Variants in TTC39C observed in about 807,000 individuals in gnomAD.
The protein encoded by TTC39C is tetratricopeptide repeat protein 39C.
Under a neutral mutation model 76.3 loss-of-function variants are expected in TTC39C, and 33 were observed. That is an observed-to-expected ratio of 0.43 (90% CI 0.33 to 0.58). The LOEUF (loss-of-function observed/expected upper bound fraction) is 0.58, where lower values mean the gene tolerates loss of function less well. Ranked by LOEUF, TTC39C falls within the 20% of genes least tolerant of loss-of-function variation. The probability of loss-of-function intolerance (pLI) is 0.04; values close to 1 mark genes in which losing one functional copy is unlikely to be tolerated. For synonymous variants in TTC39C, 254 were observed against 260.6 expected (o/e 0.97, Z 0.24); for missense variants, 595 against 701.4 (o/e 0.85, Z 1.71).
chr18:24,092,489 T>C (rs1426376986), intron 6 of TTC39C, among the ~76,000 whole-genome samples: 3 of 152,194 alleles, frequency 2.0e-5, no homozygotes, highest in Non-Finnish European at 4.4e-5. Flanking sequence ...CAGATGTCTA[T>C]CAACTGATGA....
intron 1 of TTC39C, among the ~76,000 whole-genome samples, chr18:24,027,884 G>A (rs1271711379): frequency 8.0e-3 from 2 of 250 alleles, no homozygotes; most frequent in Non-Finnish European, 0.059. Flanking sequence ...CCTATCCAAG[G>A]CTGCATGGGG....
chr18:24,120,891 T>C (rs2084959365), intron 8 of TTC39C: 1 of 152,266 alleles, frequency 6.6e-6, no homozygotes, highest in Non-Finnish European at 1.5e-5. Flanking sequence ...TCAGGCTGAA[T>C]AATATTCCAT....
intron 1 of TTC39C, among the ~76,000 whole-genome samples, chr18:24,044,055 TG>T (rs2083832479): frequency 5.7e-4 from 1 of 1,744 alleles, no homozygotes; most frequent in South Asian, 0.056. Context: ...TGTATGTTTG[TG>T]TGTGTGTGTG....
intron 1 of TTC39C, among the ~76,000 whole-genome samples, chr18:24,018,774 C>T (rs573946513): frequency 2.0e-5 from 3 of 152,102 alleles, no homozygotes; most frequent in East Asian, 3.9e-4. Flanking sequence ...GAGGAAACAG[C>T]GGAAAAACCC....
intron 7 of TTC39C, among the ~76,000 whole-genome samples, chr18:24,117,722 A>AG (rs2084913690): frequency 2.6e-5 from 4 of 152,024 alleles, no homozygotes; most frequent in Admixed American, 2.6e-4. Context: ...AAAAAAAAAA[A>AG]AAAAGAATGA....
chr18:24,106,721 T>G (rs2084748960), intron 6 of TTC39C, among the ~76,000 whole-genome samples: 3 of 152,220 alleles, frequency 2.0e-5, no homozygotes, highest in African/African-American at 7.2e-5. Flanking sequence ...AGACGGAGTC[T>G]GGCTCTGTCA....
intron 1 of TTC39C, among the ~76,000 whole-genome samples, chr18:24,037,760 G>A (rs1025675384): frequency 3.7e-4 from 56 of 152,220 alleles, no homozygotes; most frequent in Non-Finnish European, 4.4e-4. Flanking sequence ...ATGGAAGGTA[G>A]TAGTAAAGGG....
chr18:24,122,500 CAAAAAAAAAAAA>C (rs36002596), intron 8 of TTC39C, among the ~76,000 whole-genome samples: 4 of 51,052 alleles, frequency 7.8e-5, no homozygotes, highest in African/African-American at 4.0e-4. Flanking sequence ...GACTCCATCT[CAAAAAAAAAAAA>C]AAAAAAAAGA....
At chr18:24,093,199 G>A (rs937196162) in intron 6 of TTC39C, among the ~76,000 whole-genome samples, 1 of 152,106 alleles carries the variant, frequency 6.6e-6, no homozygotes, top group Non-Finnish European at 1.5e-5. Flanking sequence ...AAAAGTATTG[G>A]CCGGGTGCAG....
In TTC39C at chr18:24,048,309, A is replaced by G. The variant is rs1414266860; in HGVS notation, c.168-15831A>G. 3.9e-5 allele frequency among the ~76,000 whole-genome samples: 6 copies of G among 152,360 alleles called. No homozygotes were observed. In the East Asian group the frequency reaches 1.2e-3, roughly 29 times the overall value. On this transcript the variant is annotated intron_variant, in intron 1 of 13. Coordinates refer to ENST00000317571, the MANE Select transcript of TTC39C (RefSeq NM_001135993.2). ...TTTGCCATTTTGAAATACTTGATAA[A>G]CTATAGGACACTAATATATAATTGC...
In TTC39C at chr18:24,107,576, C is replaced by T. The variant is rs115240207; in HGVS notation, c.985-6978C>T. ...TATAAGGGGCTTCTCCCCTCCTTTG[C>T]TCTGCACTTCTCTTGCCTGCCACCG... On this transcript the variant is annotated intron_variant, in intron 6 of 13. Transcript: ENST00000317571. Among the ~76,000 whole-genome samples, 837 of 152,238 alleles carry T rather than the reference C, an allele frequency of 5.5e-3. 10 individuals carry two copies. The highest frequency in any genetic ancestry group is 0.018 in the African/African-American group (732 of 41,536).
At chr18:24,122,500 C>A (rs375389553) in intron 8 of TTC39C, among the ~76,000 whole-genome samples, 14 of 51,042 alleles carry the variant, frequency 2.7e-4, no homozygotes, top group South Asian at 1.4e-3. Flanking sequence ...GACTCCATCT[C>A]AAAAAAAAAA....
Position 24,001,225 on chromosome 18 carries a change from C to T in TTC39C, c.-17+8187C>T, listed in dbSNP as rs573512363. ...CTCTAGTCTACTTCTATCTGTGTTC[C>T]TGTTAGACTTAATATCTGGAAAAGC... On this transcript the variant is annotated intron_variant, in intron 1 of 13. Coordinates refer to the TTC39C transcript ENST00000304621. 7.9e-5 allele frequency among the ~76,000 whole-genome samples: 12 copies of T among 152,288 alleles called. No individual in the cohort carries two copies. The East Asian group carries it at 2.3e-3, about 29-fold the overall frequency.
chr18:24,073,541 T>A (rs2084266831), intron 4 of TTC39C, among the ~76,000 whole-genome samples: 1 of 152,136 alleles, frequency 6.6e-6, no homozygotes, highest in Non-Finnish European at 1.5e-5. Context: ...TCTTTTTTTT[T>A]TTAAGAGGCA....
rs71266988 is a variant in TTC39C at position 24,035,046 on chromosome 18, AT to A, written c.167+20018del. 2.7e-5 allele frequency among the ~76,000 whole-genome samples: 4 copies of A among 150,142 alleles called. No homozygotes were observed. The East Asian group carries it at 7.8e-4, about 29-fold the overall frequency. On this transcript the variant is annotated intron_variant, in intron 1 of 13. Transcript: ENST00000317571. ...CAGTTTTAATTTTCTTTATTTCTTT[AT>A]TTTTTTTTTAAAGAGACAGAATCTG...
intron 1 of TTC39C, among the ~76,000 whole-genome samples, chr18:24,007,236 T>C (rs1006354552): frequency 6.6e-6 from 1 of 152,224 alleles, no homozygotes; most frequent in Non-Finnish European, 1.5e-5. Context: ...CAAAACATGT[T>C]GGACACACAG....
intron 1 of TTC39C, among the ~76,000 whole-genome samples, chr18:24,025,787 C>T (rs2083592666): frequency 6.6e-6 from 1 of 152,180 alleles, no homozygotes; most frequent in African/African-American, 2.4e-5. Flanking sequence ...GCTGAATCCC[C>T]TAGCCTGCTT....
intron 7 of TTC39C, among the ~76,000 whole-genome samples, chr18:24,117,456 CTT>C (rs2145813858): frequency 6.6e-6 from 1 of 152,210 alleles, no homozygotes; most frequent in East Asian, 1.9e-4. Flanking sequence ...AATCCCAGCA[CTT>C]TGGGAGGCTG....
chr18:24,000,387 A>G (rs1193669042), intron 1 of TTC39C: 1 of 152,312 alleles, frequency 6.6e-6, no homozygotes, highest in East Asian at 1.9e-4. Flanking sequence ...ATGGCTACCT[A>G]CCAGCCAAGG....
Sources: allele counts gnomAD v4.1 joint callset (sites outside exome capture counted in the v4.1 genomes callset), GRCh38; gene constraint gnomAD v4.1.1; transcripts MANE v1.5; gene names NCBI Gene and HGNC (gene_info 2026-07-23, HGNC 2026-07-21).